The following CHD7 variants were observed in gnomAD, a reference collection of about 807,000 sequenced individuals.
CHD7 encodes the protein ATP-dependent chromatin remodeler CHD7.
A neutral mutation model predicts 307.3 loss-of-function variants in CHD7; 24 were observed. That is an observed-to-expected ratio of 0.08 (90% CI 0.06 to 0.11). CHD7 has a LOEUF of 0.11. CHD7 is among the 10% of genes least tolerant of loss of function. CHD7 has a pLI of 1.00. For synonymous variants in CHD7, 1,363 were observed against 1,349.9 expected (o/e 1.01, Z -0.21); for missense variants, 3,106 against 3,727.1 (o/e 0.83, Z 4.34).
At chr8:60,782,289 G>A (rs879903391) in intron 3 of CHD7, among the ~76,000 whole-genome samples, 1 of 152,156 alleles carries the variant, frequency 6.6e-6, no homozygotes, top group Non-Finnish European at 1.5e-5. Flanking sequence ...ATACCCTCAT[G>A]TGCACGTGTA....
At chr8:60,858,855 C>G (rs1033488551) in intron 34 of CHD7, among the ~76,000 whole-genome samples, 1 of 152,176 alleles carries the variant, frequency 6.6e-6, no homozygotes. Flanking sequence ...AGTAATCCAC[C>G]CACCTCAGCC....
intron 1 of CHD7, among the ~76,000 whole-genome samples, chr8:60,731,609 A>C (rs1808461056): frequency 6.6e-6 from 1 of 152,244 alleles, no homozygotes; most frequent in Admixed American, 6.5e-5. Flanking sequence ...TGGATATGCA[A>C]CTGTTAACTC....
At chr8:60,688,816 T>TA (rs955715018) in intron 1 of CHD7, among the ~76,000 whole-genome samples, 3 of 152,188 alleles carry the variant, frequency 2.0e-5, no homozygotes, top group African/African-American at 7.2e-5. Context: ...TCTGGGATAT[T>TA]ACGGTTTTCT....
intron 1 of CHD7, among the ~76,000 whole-genome samples, chr8:60,739,199 C>A (rs1047820754): frequency 6.6e-6 from 1 of 152,092 alleles, no homozygotes; most frequent in East Asian, 1.9e-4. Flanking sequence ...TAACAGTTGG[C>A]GGACCCTGGA....
intron 1 of CHD7, among the ~76,000 whole-genome samples, chr8:60,693,991 G>A (rs1279146913): frequency 1.3e-5 from 2 of 152,230 alleles, no homozygotes; most frequent in East Asian, 3.8e-4. Flanking sequence ...AGAAAGCTGG[G>A]TCTATCCAGA....
At position 60,860,997 on chromosome 8, in the gene CHD7, C is replaced by T. The variant is rs775888715; in HGVS notation, c.7702C>T (p.Arg2568Trp). 36 of 1,613,812 alleles carry T rather than the reference C, an allele frequency of 2.2e-5. No individual in the cohort carries two copies. Among genetic ancestry groups the T allele is most frequent in the South Asian group, 7.7e-5 (7 of 91,084 alleles). Residue 2568 changes from arginine to tryptophan, a missense_variant, in exon 35 of 38, where the codon CGG (arginine) becomes TGG (tryptophan). Arg to Trp is a moderately radical substitution (Grantham distance 101). Around this residue, in one of 10 missense-constraint regions of CHD7, gnomAD observed 1,030 missense variants for 1,165.4 expected, o/e 0.88. Transcript: ENST00000423902. Reference sequence around the variant, plus strand: ...TCCCGGACAGCTGGACCCAGACACACGGATCCCTGTTATCAATCTTGAAGA... The same window carrying T: ...TCCCGGACAGCTGGACCCAGACACATGGATCCCTGTTATCAATCTTGAAGA... ...PSPGQLDPDT[R>W]IPVINLEDGT...
chr8:60,719,315 C>T (rs543895354), intron 1 of CHD7, among the ~76,000 whole-genome samples: 1 of 152,194 alleles, frequency 6.6e-6, no homozygotes, highest in Non-Finnish European at 1.5e-5. Flanking sequence ...TTGTAAAGTT[C>T]CAGAGCAGGA....
chr8:60,693,034 C>T (rs1806280044), intron 1 of CHD7, among the ~76,000 whole-genome samples: 1 of 152,184 alleles, frequency 6.6e-6, no homozygotes, highest in South Asian at 2.1e-4. Context: ...ACTTCAAGCC[C>T]AGCCCTTTCT....
intron 1 of CHD7, among the ~76,000 whole-genome samples, chr8:60,717,631 T>G (rs1254475313): frequency 6.6e-6 from 1 of 152,214 alleles, no homozygotes; most frequent in African/African-American, 2.4e-5. Context: ...GATTGAAGGT[T>G]CATTATACAG....
intron 3 of CHD7, among the ~76,000 whole-genome samples, chr8:60,792,934 A>G (rs1811843101): frequency 6.6e-6 from 1 of 152,260 alleles, no homozygotes; most frequent in African/African-American, 2.4e-5. Flanking sequence ...ATTTGATAAA[A>G]GAAACCACAA....
intron 7 of CHD7, among the ~76,000 whole-genome samples, chr8:60,812,620 C>T (rs1313053154): frequency 3.4e-5 from 5 of 147,662 alleles, no homozygotes; most frequent in East Asian, 2.0e-4. Flanking sequence ...GCCGAGATTG[C>T]GCCATTGCAC....
At chr8:60,756,773 T>C (rs1025598994) in intron 2 of CHD7, among the ~76,000 whole-genome samples, 5 of 152,178 alleles carry the variant, frequency 3.3e-5, no homozygotes, top group African/African-American at 1.2e-4. Flanking sequence ...TTAGTTAATA[T>C]CCACTAGATT....
chr8:60,723,307 G>C (rs931572940), intron 1 of CHD7, among the ~76,000 whole-genome samples: 6 of 151,990 alleles, frequency 3.9e-5, no homozygotes, highest in Non-Finnish European at 8.8e-5. Context: ...GTTCATTTTT[G>C]AAATGTTTGC....
chr8:60,684,303 G>A (rs1805774159), intron 1 of CHD7, among the ~76,000 whole-genome samples: 1 of 152,142 alleles, frequency 6.6e-6, no homozygotes, highest in Non-Finnish European at 1.5e-5. Context: ...GGCTTTCACG[G>A]CCACAGAATC....
intron 13 of CHD7, chr8:60,824,352 A>G (rs1006368232): frequency 1.9e-5 from 7 of 363,750 alleles, no homozygotes; most frequent in African/African-American, 1.5e-4. Flanking sequence ...TTGAGTACCC[A>G]CATAATGCTA....
rs750118614 is a variant in CHD7, at chr8:60,837,847, C to G, written c.4353+12C>G. ...ATGCTACCAATGGGGTAAAACCACC[C>G]TTGCCCAAACCATTTATTTATTCTG... On this transcript the variant is annotated intron_variant, in intron 18 of 37. Coordinates refer to ENST00000423902, the MANE Select transcript of CHD7 (RefSeq NM_017780.4). 1.2e-6 allele frequency: 2 copies of G among 1,601,330 alleles called. No homozygotes were observed. Among genetic ancestry groups the G allele is most frequent in the South Asian group, 2.2e-5 (2 of 89,088 alleles).
intron 1 of CHD7, among the ~76,000 whole-genome samples, chr8:60,718,533 A>G (rs1807731346): frequency 6.6e-6 from 1 of 152,160 alleles, no homozygotes; most frequent in Non-Finnish European, 1.5e-5. Context: ...TAAACATTTA[A>G]AAATATGAAA....
intron 1 of CHD7, among the ~76,000 whole-genome samples, chr8:60,693,186 G>T (rs374768748): frequency 2.0e-5 from 3 of 152,230 alleles, no homozygotes; most frequent in African/African-American, 7.2e-5. Flanking sequence ...TGCCCTCCGC[G>T]ACACCCCCTT....
chr8:60,737,230 TTATA>T (rs1198460476), intron 1 of CHD7, among the ~76,000 whole-genome samples: 2 of 152,144 alleles, frequency 1.3e-5, no homozygotes, highest in Non-Finnish European at 2.9e-5. Context: ...TTCCTAAAAG[TTATA>T]TATAGTATGA....
Sources: allele counts gnomAD v4.1 joint callset (sites outside exome capture counted in the v4.1 genomes callset), GRCh38; gene constraint gnomAD v4.1.1; regional missense constraint gnomAD v4.1.1; transcripts MANE v1.5; gene names NCBI Gene and HGNC (gene_info 2026-07-23, HGNC 2026-07-21).